CDH20: variants seen among roughly 807,000 people sequenced by gnomAD.
CDH20 encodes cadherin 20.
In CDH20, 29 loss-of-function variants were observed where a neutral mutation model predicts 74.2. The observed-to-expected ratio is 0.39, with a 90% CI of 0.29 to 0.53. The LOEUF (loss-of-function observed/expected upper bound fraction) is 0.53. Ranked by LOEUF, CDH20 falls within the 20% of genes least tolerant of loss-of-function variation. The pLI is 0.69. For synonymous variants in CDH20, 469 were observed against 405.4 expected (o/e 1.16, Z -1.88); for missense variants, 988 against 1,048.3 (o/e 0.94, Z 0.79).
intron 6 of CDH20, among the ~76,000 whole-genome samples, chr18:61,509,404 T>C (rs1004190385): frequency 3.3e-5 from 5 of 151,904 alleles, no homozygotes; most frequent in African/African-American, 7.3e-5. Context: ...AGAGAAGAAA[T>C]GGGCATGAAC....
At chr18:61,363,733 T>C (rs944512000) in intron 1 of CDH20, among the ~76,000 whole-genome samples, 1 of 152,170 alleles carries the variant, frequency 6.6e-6, no homozygotes, top group Non-Finnish European at 1.5e-5. Context: ...AAAATTTTAT[T>C]TCGTCTTACT....
At chr18:61,377,650 T>G (rs1376275484) in intron 1 of CDH20, among the ~76,000 whole-genome samples, 1 of 152,098 alleles carries the variant, frequency 6.6e-6, no homozygotes, top group East Asian at 1.9e-4. Context: ...ACACATCCCT[T>G]TTTTTAGTAA....
At chr18:61,550,270 G>A (rs2144412114) in intron 11 of CDH20, 41 bp downstream of exon 11, 1 of 1,592,806 alleles carries the variant, frequency 6.3e-7, no homozygotes, top group Non-Finnish European at 8.6e-7. Flanking sequence ...AGTCCTGCCA[G>A]TGCGCACTCA....
At chr18:61,492,776 T>C (rs2043421811) in intron 2 of CDH20, among the ~76,000 whole-genome samples, 4 of 152,208 alleles carry the variant, frequency 2.6e-5, no homozygotes, top group African/African-American at 9.6e-5. Flanking sequence ...TATTTGTTTC[T>C]TATTTACATG....
rs765346722 is a variant in CDH20, at chr18:61,536,572, C to A, written c.1351C>A (p.Pro451Thr). Residue 451 changes from proline (P) to threonine (T), a missense_variant, in exon 8 of 12, where the codon CCC (proline) becomes ACC (threonine). This residue lies in a region of CDH20 where 613 missense variants were observed against 755.2 expected (regional missense o/e 0.81). Coordinates refer to ENST00000262717, the MANE Select transcript of CDH20 (RefSeq NM_031891.4). ...ITTGALMTAR[P>T]LDREEFSWHN... Reference sequence around the variant, plus strand: ...AACAGGTGCCCTAATGACAGCAAGACCCCTAGACCGGGAAGAATTTTCTTG... The same window carrying A: ...AACAGGTGCCCTAATGACAGCAAGAACCCTAGACCGGGAAGAATTTTCTTG... The A allele has an allele frequency of 1.2e-6, 2 of 1,613,694 alleles. No individual in the cohort carries two copies. Among genetic ancestry groups the A allele is most frequent in the Non-Finnish European group, 1.7e-6 (2 of 1,179,628 alleles).
intron 9 of CDH20, among the ~76,000 whole-genome samples, chr18:61,541,583 T>G (rs1913040434): frequency 6.6e-6 from 1 of 152,230 alleles, no homozygotes; most frequent in African/African-American, 2.4e-5. Flanking sequence ...CACTTCAAGT[T>G]CAGTCTGTCC....
In CDH20 at chr18:61,538,608, G is replaced by GTTGT. The variant is rs1912904022; in HGVS notation, c.1409-414_1409-413insGTTT. On this transcript the variant is annotated intron_variant, in intron 8 of 11. Coordinates refer to ENST00000262717, the MANE Select transcript of CDH20 (RefSeq NM_031891.4). ...TGTTTGTTTGTTTGTTTTTGTTTTT[G>GTTGT]TTTTTGTTTTTGTTTTGTTTTTTTT... Among the ~76,000 whole-genome samples the GTTGT allele has an allele frequency of 2.5e-3, 90 of 36,330 alleles. 18 individuals carry two copies. The highest frequency in any genetic ancestry group is 4.6e-3 in the Non-Finnish European group (76 of 16,562). 23.8% of individuals were successfully genotyped at this position (36,330 alleles called of 152,430 possible).
chr18:61,447,722 G>A (rs1477681712), intron 1 of CDH20, among the ~76,000 whole-genome samples: 1 of 152,166 alleles, frequency 6.6e-6, no homozygotes, highest in Non-Finnish European at 1.5e-5. Flanking sequence ...TTCTCCTTGG[G>A]GAGAGTTTAA....
Position 61,554,917 on chromosome 18 carries a change from TTTC to T in CDH20, c.*225_*227del. 7.3e-7 allele frequency: 1 copy of T among 1,372,058 alleles called. No individual in the cohort carries two copies. The highest frequency in any genetic ancestry group is 9.4e-7 in the Non-Finnish European group (1 of 1,064,648). 85.0% of individuals were successfully genotyped at this position (1,372,058 alleles called of 1,614,324 possible). On this transcript the variant is annotated 3_prime_UTR_variant, in exon 12 of 12. Coordinates refer to ENST00000262717, the MANE Select transcript of CDH20 (RefSeq NM_031891.4). Reference sequence around the variant, plus strand: ...AGGGCAGAATCTTTAATTACCTTTTTTTCTTTTCTTTTTGATTTTTCTGACACT... The same window carrying T: ...AGGGCAGAATCTTTAATTACCTTTTTTTTTCTTTTTGATTTTTCTGACACT...
At chr18:61,545,497 G>A (rs1323167801) in intron 10 of CDH20, among the ~76,000 whole-genome samples, 1 of 152,120 alleles carries the variant, frequency 6.6e-6, no homozygotes, top group African/African-American at 2.4e-5. Context: ...TAAGTCGGCA[G>A]ATGTTTACTG....
intron 1 of CDH20, among the ~76,000 whole-genome samples, chr18:61,482,150 G>C (rs1910610909): frequency 6.6e-6 from 1 of 152,080 alleles, no homozygotes; most frequent in South Asian, 2.1e-4. Flanking sequence ...GGTGAGGTGT[G>C]CTCTAAGAAA....
In CDH20 at chr18:61,333,589, A is replaced by G. The variant is rs1232652346; in HGVS notation, c.-391A>G. ...CATCGGCGGGGTTGGTGCACTTGGC[A>G]GTACCCCCCAACTCCTGGCAACCGC... On this transcript the variant is annotated 5_prime_UTR_variant, in exon 1 of 12. Coordinates refer to ENST00000262717, the MANE Select transcript of CDH20 (RefSeq NM_031891.4). 6.6e-6 allele frequency: 1 copy of G among 150,696 alleles called. No individual in the cohort carries two copies. Among genetic ancestry groups the G allele is most frequent in the Admixed American group, 6.7e-5 (1 of 15,016 alleles). 9.3% of individuals were successfully genotyped at this position (150,696 alleles called of 1,614,324 possible). A position where few individuals can be genotyped will look rare whatever the true frequency, so the allele number is the denominator to read the frequency against.
At chr18:61,364,930 T>C (rs1040900448) in intron 1 of CDH20, among the ~76,000 whole-genome samples, 2 of 152,252 alleles carry the variant, frequency 1.3e-5, no homozygotes, top group Admixed American at 1.3e-4. Flanking sequence ...AGTTGAGGTA[T>C]AAAACCTCAA....
intron 1 of CDH20, among the ~76,000 whole-genome samples, chr18:61,488,107 T>C (rs1182790121): frequency 1.3e-5 from 2 of 151,746 alleles, no homozygotes; most frequent in Non-Finnish European, 2.9e-5. Context: ...TACGTATATA[T>C]GTATGTATAG....
intron 6 of CDH20, among the ~76,000 whole-genome samples, chr18:61,513,743 T>C (rs1233344): frequency 0.99 from 149,960 of 151,836 alleles, 74,081 homozygotes; most frequent in Middle Eastern, 1. Context: ...GGATTTTATT[T>C]CTCCTTCACT....
At chr18:61,540,879 G>A (rs553179216) in intron 9 of CDH20, among the ~76,000 whole-genome samples, 3 of 152,330 alleles carry the variant, frequency 2.0e-5, no homozygotes, top group African/African-American at 7.2e-5. Context: ...ATGTCCCTCA[G>A]GGGAAGAAAG....
chr18:61,554,666 G>T lies in CDH20; in HGVS notation c.2377G>T (p.Ala793Ser). The change falls in exon 12 of 12, where the codon GCG becomes TCG. Residue 793 changes from alanine to serine, a missense_variant. Ala to Ser is a moderately conservative substitution (Grantham distance 99). This residue lies in a region of CDH20 where 375 missense variants were observed against 293.1 expected (regional missense o/e 1.28). Coordinates refer to ENST00000262717, the MANE Select transcript of CDH20 (RefSeq NM_031891.4). Reference sequence around the variant, plus strand: ...CCGGAAGCTGGCCGAGCTCTACGGGGCGTCGGAGGGACCCGCGCCGCTGTG... The same window carrying T: ...CCGGAAGCTGGCCGAGCTCTACGGGTCGTCGGAGGGACCCGCGCCGCTGTG... ...RFRKLAELYG[A>S]SEGPAPLW is the part of the protein sequence containing the mutation. The T allele has an allele frequency of 6.3e-7, 1 of 1,586,724 alleles. No homozygotes were observed. Among genetic ancestry groups the T allele is most frequent in the South Asian group, 1.1e-5 (1 of 88,646 alleles).
intron 6 of CDH20, among the ~76,000 whole-genome samples, chr18:61,513,167 C>T (rs1418679549): frequency 6.8e-6 from 1 of 147,040 alleles, no homozygotes; most frequent in Non-Finnish European, 1.5e-5. Context: ...TCAGGACTTG[C>T]TTTATGAATC....
intron 1 of CDH20, among the ~76,000 whole-genome samples, chr18:61,391,907 T>A (rs1911797543): frequency 6.6e-6 from 1 of 152,080 alleles, no homozygotes; most frequent in South Asian, 2.1e-4. Context: ...CCCAATCCCC[T>A]TCCTCCATCT....
Sources: gnomAD v4.1 joint callset for allele counts (sites outside exome capture counted in the v4.1 genomes callset) on GRCh38, gnomAD v4.1.1 for gene constraint, gnomAD v4.1.1 regional missense constraint, MANE v1.5 for transcripts, NCBI Gene and HGNC (gene_info 2026-07-23, HGNC 2026-07-21) for gene names.